MAFK: variants seen among roughly 807,000 people sequenced by gnomAD.
MAFK encodes the protein transcription factor MafK.
Under a neutral mutation model 9.2 loss-of-function variants are expected in MAFK, and 1 was observed. That is an observed-to-expected ratio of 0.11 (90% CI 0.04 to 0.52). The LOEUF is 0.52. Ranked by LOEUF, MAFK falls within the 20% of genes least tolerant of loss-of-function variation. The pLI is 0.94. For synonymous variants in MAFK, 110 were observed against 107.4 expected, an observed-to-expected ratio of 1.02 and a Z score of -0.15; for missense variants, 207 against 236.0, an observed-to-expected ratio of 0.88 and a Z score of 0.81.
At position 1,540,646 on chromosome 7, in the gene MAFK, G is replaced by T; in HGVS notation, c.*271G>T. ...GTCTGTGTGTGGGAATTGGTATCTT[G>T]CACCCGTGGGAGTCGGGACATATAA... On this transcript the variant is annotated 3_prime_UTR_variant, in exon 3 of 3. Transcript: ENST00000343242. 1 of 472,100 alleles carries T rather than the reference G, an allele frequency of 2.1e-6. No individual in the cohort carries two copies. Among genetic ancestry groups the T allele is most frequent in the Non-Finnish European group, 3.8e-6 (1 of 266,400 alleles). 29.2% of individuals were successfully genotyped at this position (472,100 alleles called of 1,614,324 possible).
chr7:1,537,557 T>G (rs903778806), intron 1 of MAFK: 3 of 985,496 alleles, frequency 3.0e-6, no homozygotes, highest in Non-Finnish European at 3.6e-6. Context: ...CCCCAGGACG[T>G]GGTGCGAAGG....
chr7:1,534,613 C>G lies in MAFK; in HGVS notation c.-45+3715C>G. The G allele has an allele frequency of 2.2e-6, 1 of 456,186 alleles. No individual in the cohort carries two copies. The highest frequency in any genetic ancestry group is 4.4e-6 in the Non-Finnish European group (1 of 226,826). 28.3% of individuals were successfully genotyped at this position (456,186 alleles called of 1,614,324 possible). A position where few individuals can be genotyped will look rare whatever the true frequency, so the allele number is the denominator to read the frequency against. On this transcript the variant is annotated intron_variant, in intron 1 of 2. Transcript: ENST00000343242. The surrounding 1 kb of genome is among the most constrained non-coding windows in gnomAD (Gnocchi z 4.3). ...CCCGCATCCCACATCCTCGGAGACC[C>G]GCGGAGAATAGAAGTGGAAGGGCCA...
chr7:1,537,464 C>T (rs1192205504), intron 1 of MAFK: 1 of 985,474 alleles, frequency 1.0e-6, no homozygotes, highest in African/African-American at 1.7e-5. Context: ...AAAAGTTTCT[C>T]ATGGTGCTCC....
chr7:1,538,776 C>T (rs1257424531), intron 1 of MAFK: 4 of 228,388 alleles, frequency 1.8e-5, no homozygotes, highest in Non-Finnish European at 3.5e-5. Context: ...CAGGAAGCAG[C>T]CACTGCCGGC....
At position 1,534,491 on chromosome 7, in the gene MAFK, GGC is replaced by G. The variant is rs1783979947; in HGVS notation, c.-45+3596_-45+3597del. On this transcript the variant is annotated intron_variant, in intron 1 of 2. Transcript: ENST00000343242. The surrounding 1 kb of genome is among the most constrained non-coding windows in gnomAD (Gnocchi z 4.3). ...GGAGTCACTGGTCGGGGGGCGGGAGGGCGCTTGCTGCTGTGCTGCTGGGTTTC... is the reference window on the plus strand; with the variant it reads ...GGAGTCACTGGTCGGGGGGCGGGAGGGCTTGCTGCTGTGCTGCTGGGTTTC... 2.3e-6 allele frequency: 1 copy of G among 441,532 alleles called. No homozygotes were observed. Among genetic ancestry groups the G allele is most frequent in the East Asian group, 7.1e-5 (1 of 14,068 alleles). 27.4% of individuals were successfully genotyped at this position (441,532 alleles called of 1,614,324 possible).
At chr7:1,533,191 G>A (rs566304627) in intron 1 of MAFK, among the ~76,000 whole-genome samples, 4 of 152,332 alleles carry the variant, frequency 2.6e-5, no homozygotes, top group African/African-American at 9.6e-5. Context: ...CAGGCCGGTG[G>A]GGTCTGGTGT....
intron 1 of MAFK, chr7:1,538,718 G>C (rs1025375494): frequency 5.4e-6 from 1 of 184,256 alleles, no homozygotes; most frequent in African/African-American, 2.4e-5. Context: ...GGGGCACCTT[G>C]TGCTGTGCAG....
In MAFK at chr7:1,540,702, C is replaced by A. The variant is rs1228681301; in HGVS notation, c.*327C>A. 2 of 312,542 alleles carry A rather than the reference C, an allele frequency of 6.4e-6. No individual in the cohort carries two copies. The highest frequency in any genetic ancestry group is 4.5e-5 in the African/African-American group (2 of 44,844). 19.4% of individuals were successfully genotyped at this position (312,542 alleles called of 1,614,324 possible). The stretch of plus-strand genomic sequence containing the variant: ...AGGCCCTCGGGAAGTTCCGCGTCCT[C>A]TGTGGGGGCTGCCGGAAGACACGGC... On this transcript the variant is annotated 3_prime_UTR_variant, in exon 3 of 3. Coordinates refer to ENST00000343242, the MANE Select transcript of MAFK (RefSeq NM_002360.4).
chr7:1,538,533 T>C, intron 1 of MAFK: 2 of 714,658 alleles, frequency 2.8e-6, no homozygotes, highest in Non-Finnish European at 3.4e-6. Flanking sequence ...CCGTGGGGGA[T>C]GGCGATGTCA....
intron 1 of MAFK, among the ~76,000 whole-genome samples, chr7:1,531,598 C>T (rs1237033413): frequency 1.3e-5 from 2 of 152,204 alleles, no homozygotes; most frequent in African/African-American, 4.8e-5. Context: ...ACGTGTGGGG[C>T]AGGGGCTCCG....
In MAFK at chr7:1,534,536, C is replaced by A; in HGVS notation, c.-45+3638C>A. The A allele has an allele frequency of 2.2e-6, 1 of 455,224 alleles. No homozygotes were observed. Among genetic ancestry groups the A allele is most frequent in the South Asian group, 1.6e-5 (1 of 64,472 alleles). 28.2% of individuals were successfully genotyped at this position (455,224 alleles called of 1,614,324 possible). ...TGGGTTTCTGAACCCGTGTCTCTCGCACAGAGCTCCCGTCCTCCGTTCCTG... is the reference window on the plus strand; with the variant it reads ...TGGGTTTCTGAACCCGTGTCTCTCGAACAGAGCTCCCGTCCTCCGTTCCTG... On this transcript the variant is annotated intron_variant, in intron 1 of 2. Coordinates refer to ENST00000343242, the MANE Select transcript of MAFK (RefSeq NM_002360.4). The surrounding 1 kb of genome is among the most constrained non-coding windows in gnomAD (Gnocchi z 4.3).
chr7:1,538,215 G>C (rs1264333429), intron 1 of MAFK: 1 of 966,036 alleles, frequency 1.0e-6, no homozygotes, highest in Non-Finnish European at 1.2e-6. Flanking sequence ...GGTTTTTCAT[G>C]AATGATTAGA....
At chr7:1,536,293 C>G (rs947275828) in intron 1 of MAFK, among the ~76,000 whole-genome samples, 1 of 152,044 alleles carries the variant, frequency 6.6e-6, no homozygotes, top group Non-Finnish European at 1.5e-5. Flanking sequence ...GGTGCTTGTG[C>G]GTGGCGATGC....
Position 1,539,949 on chromosome 7 carries a change from G to A in MAFK, c.45G>A (p.Lys15=), listed in dbSNP as rs745580024. 7.8e-6 allele frequency: 12 copies of A among 1,529,496 alleles called. No individual in the cohort carries two copies. Among genetic ancestry groups the A allele is most frequent in the Non-Finnish European group, 1.1e-5 (12 of 1,133,644 alleles). 94.7% of individuals were successfully genotyped at this position (1,529,496 alleles called of 1,614,324 possible). Residue 15 remains lysine, a synonymous_variant, in exon 3 of 3, where the codon AAG becomes AAA. Coordinates refer to ENST00000343242, the MANE Select transcript of MAFK (RefSeq NM_002360.4). The part of the protein sequence containing the change: ...PKPNKALKVK[K]EAGENAPVLS... Reference sequence around the variant, plus strand: ...GCACTGTGGCCCCCCAGGTCAAGAAGGAGGCGGGCGAGAACGCCCCGGTGC... The same window carrying A: ...GCACTGTGGCCCCCCAGGTCAAGAAAGAGGCGGGCGAGAACGCCCCGGTGC...
In MAFK at chr7:1,532,060, C is replaced by G. The variant is rs1234368114; in HGVS notation, c.-45+1162C>G. ...GAGACTCAAAACGCCCCCCACCGCC[C>G]CCCATCGTGGTCTAGGGGATATCTG... On this transcript the variant is annotated intron_variant, in intron 1 of 2. Coordinates refer to ENST00000343242, the MANE Select transcript of MAFK (RefSeq NM_002360.4). The surrounding 1 kb of genome is among the most constrained non-coding windows in gnomAD (Gnocchi z 4.5). Among the ~76,000 whole-genome samples, 1 of 152,262 alleles carries G rather than the reference C, an allele frequency of 6.6e-6. No homozygotes were observed. Among genetic ancestry groups the G allele is most frequent in the Non-Finnish European group, 1.5e-5 (1 of 68,042 alleles).
chr7:1,540,110 G>A lies in MAFK; in HGVS notation c.206G>A (p.Arg69His). The A allele has an allele frequency of 6.4e-7, 1 of 1,571,604 alleles. No homozygotes were observed. The highest frequency in any genetic ancestry group is 8.6e-7 in the Non-Finnish European group (1 of 1,158,320). ...AACCGCGGCTACGCGGCCAGCTGCC[G>A]CATCAAGCGGGTGACGCAGAAGGAG... ...LKNRGYAASC[R>H]IKRVTQKEEL... Residue 69 changes from arginine (R) to histidine (H), a missense_variant, in exon 3 of 3, where the codon CGC becomes CAC. Coordinates refer to ENST00000343242, the MANE Select transcript of MAFK (RefSeq NM_002360.4).
chr7:1,540,276 A>G lies in MAFK; in HGVS notation c.372A>G (p.Gly124=). Residue 124 remains glycine, a synonymous_variant, in exon 3 of 3, where the codon GGA becomes GGG. Coordinates refer to ENST00000343242, the MANE Select transcript of MAFK (RefSeq NM_002360.4). ...LQTFARTVAR[G]PVAPSKVATT... ...CCTTCGCGCGCACCGTGGCCCGGGG[A>G]CCTGTGGCGCCCTCCAAGGTGGCCA... 6.2e-7 allele frequency: 1 copy of G among 1,611,294 alleles called. No homozygotes were observed. Among genetic ancestry groups the G allele is most frequent in the African/African-American group, 1.3e-5 (1 of 74,938 alleles).
At position 1,540,649 on chromosome 7, in the gene MAFK, C is replaced by A. The variant is rs1270579920; in HGVS notation, c.*274C>A. ...TGTGTGTGGGAATTGGTATCTTGCA[C>A]CCGTGGGAGTCGGGACATATAATGG... is the stretch of plus-strand genomic sequence containing the variant. On this transcript the variant is annotated 3_prime_UTR_variant, in exon 3 of 3. Transcript: ENST00000343242. 1.1e-5 allele frequency: 5 copies of A among 466,928 alleles called. No individual in the cohort carries two copies. Among genetic ancestry groups the A allele is most frequent in the South Asian group, 3.0e-5 (1 of 33,050 alleles). The allele number at this position is 466,928 out of a possible 1,614,324, so 28.9% of individuals were successfully genotyped here. A position where few individuals can be genotyped will look rare whatever the true frequency, so the allele number is the denominator to read the frequency against.
In MAFK at chr7:1,534,840, C is replaced by T; in HGVS notation, c.-45+3942C>T. 2.8e-6 allele frequency: 1 copy of T among 351,710 alleles called. No individual in the cohort carries two copies. Among genetic ancestry groups the T allele is most frequent in the South Asian group, 2.1e-5 (1 of 47,906 alleles). 21.8% of individuals were successfully genotyped at this position (351,710 alleles called of 1,614,324 possible). On this transcript the variant is annotated intron_variant, in intron 1 of 2. Coordinates refer to ENST00000343242, the MANE Select transcript of MAFK (RefSeq NM_002360.4). The surrounding 1 kb of genome is among the most constrained non-coding windows in gnomAD (Gnocchi z 4.3). ...AAATCCCCGTTTCTCTATGGGCATC[C>T]ACAGCCGGGACCGTTCAGAGGGGTC...
Sources: allele counts gnomAD v4.1 joint callset (sites outside exome capture counted in the v4.1 genomes callset), GRCh38; gene constraint gnomAD v4.1.1; non-coding constraint Gnocchi (gnomAD v3.1); transcripts MANE v1.5; gene names NCBI Gene and HGNC (gene_info 2026-07-23, HGNC 2026-07-21).